CEP63: variants seen among roughly 807,000 people sequenced by gnomAD.
CEP63 encodes the protein centrosomal protein of 63 kDa.
CEP63 carries 84 observed loss-of-function variants against 89.1 expected under a neutral mutation model. That is an observed-to-expected ratio of 0.94 (90% CI 0.79 to 1.13). CEP63 has a LOEUF of 1.13. Ranked by LOEUF, CEP63 falls within the 50% of genes most tolerant of loss-of-function variation. The pLI is 0.00. For missense variants in CEP63, 838 were observed against 813.3 expected, an observed-to-expected ratio of 1.03 and a Z score of -0.37; for synonymous variants, 267 against 272.5, an observed-to-expected ratio of 0.98 and a Z score of 0.20.
the CEP63 span, among the ~76,000 whole-genome samples, chr3:134,664,164 T>C: frequency 2.0e-5 from 3 of 152,322 alleles, no homozygotes; most frequent in East Asian, 5.8e-4. Context: ...TGCTTCCCTG[T>C]GTCTTGGAGA....
chr3:134,625,785 G>T, the CEP63 span, among the ~76,000 whole-genome samples: 2 of 152,250 alleles, frequency 1.3e-5, no homozygotes, highest in Non-Finnish European at 2.9e-5. Context: ...CCTGAGAAAG[G>T]CTGGGCCTCC....
the CEP63 span, among the ~76,000 whole-genome samples, chr3:134,700,629 C>G: frequency 6.6e-6 from 1 of 152,206 alleles, no homozygotes; most frequent in South Asian, 2.1e-4. Context: ...TATCATCCTC[C>G]TCCATCACAC....
chr3:134,633,979 G>A, the CEP63 span, among the ~76,000 whole-genome samples: 1 of 152,146 alleles, frequency 6.6e-6, no homozygotes, highest in Non-Finnish European at 1.5e-5. Context: ...ATTGGAGATG[G>A]CATTTAAAAA....
At chr3:134,598,166 G>A in the CEP63 span, among the ~76,000 whole-genome samples, 95,865 of 152,092 alleles carry the variant, frequency 0.63, 30,722 homozygotes, top group East Asian at 0.87. Flanking sequence ...CTTTCAGCCC[G>A]TAAAATCAAA....
At chr3:134,722,529 GT>G in the CEP63 span, among the ~76,000 whole-genome samples, 1 of 151,594 alleles carries the variant, frequency 6.6e-6, no homozygotes, top group Non-Finnish European at 1.5e-5. Flanking sequence ...TTTTCATATT[GT>G]TTTTCTATCC....
At chr3:134,613,522 C>T in the CEP63 span, among the ~76,000 whole-genome samples, 1 of 152,184 alleles carries the variant, frequency 6.6e-6, no homozygotes, top group African/African-American at 2.4e-5. Flanking sequence ...TGGTGGTCAC[C>T]TCTAGAGTGA....
intron 2 of CEP63, among the ~76,000 whole-genome samples, chr3:134,505,200 T>C (rs1202716697): frequency 1.3e-5 from 2 of 152,218 alleles, no homozygotes; most frequent in African/African-American, 4.8e-5. Flanking sequence ...TCTTGTGTCC[T>C]TGTGTTGATT....
At chr3:134,641,979 G>A in the CEP63 span, among the ~76,000 whole-genome samples, 1 of 152,196 alleles carries the variant, frequency 6.6e-6, no homozygotes, top group Non-Finnish European at 1.5e-5. Context: ...TCATTTTAGA[G>A]AAGCAACAGG....
chr3:134,627,643 G>A, the CEP63 span: 1 of 871,630 alleles, frequency 1.1e-6, no homozygotes, highest in Non-Finnish European at 1.9e-6. Flanking sequence ...CCCAAAGGTG[G>A]CCCCAGCCTC....
At chr3:134,487,468 A>G (rs1303166323) in intron 1 of CEP63, among the ~76,000 whole-genome samples, 1 of 152,234 alleles carries the variant, frequency 6.6e-6, no homozygotes, top group Non-Finnish European at 1.5e-5. Context: ...TCTCGTTAAA[A>G]TGGTGGAAGA....
At chr3:134,649,765 G>C in the CEP63 span, among the ~76,000 whole-genome samples, 1 of 152,220 alleles carries the variant, frequency 6.6e-6, no homozygotes, top group African/African-American at 2.4e-5. Flanking sequence ...GCTGGTAGTG[G>C]CAAGGCCATC....
At chr3:134,630,181 G>A in the CEP63 span, among the ~76,000 whole-genome samples, 1 of 152,188 alleles carries the variant, frequency 6.6e-6, no homozygotes, top group Non-Finnish European at 1.5e-5. Context: ...AGTGAGAAAG[G>A]GAACCCCTAA....
chr3:134,496,988 T>C (rs914949250), intron 2 of CEP63, among the ~76,000 whole-genome samples: 4 of 152,242 alleles, frequency 2.6e-5, no homozygotes, highest in Admixed American at 6.5e-5. Context: ...AGATGAATCA[T>C]TGTGGTTTTC....
chr3:134,491,178 A>G (rs1202661556), intron 1 of CEP63, among the ~76,000 whole-genome samples: 1 of 152,206 alleles, frequency 6.6e-6, no homozygotes, highest in African/African-American at 2.4e-5. Context: ...TTCATTTTGC[A>G]TTCCTACCTA....
chr3:134,520,548 A>G (rs755933812), intron 3 of CEP63, among the ~76,000 whole-genome samples: 40 of 152,208 alleles, frequency 2.6e-4, no homozygotes, highest in Non-Finnish European at 5.1e-4. Flanking sequence ...AAAATCAACA[A>G]GGTTGATTCT....
chr3:134,742,608 G>C, the CEP63 span, among the ~76,000 whole-genome samples: 1 of 152,190 alleles, frequency 6.6e-6, no homozygotes, highest in African/African-American at 2.4e-5. Context: ...GAATGCTATG[G>C]TTTAGTACTT....
At chr3:134,614,288 T>C in the CEP63 span, among the ~76,000 whole-genome samples, 1 of 152,158 alleles carries the variant, frequency 6.6e-6, no homozygotes, top group Non-Finnish European at 1.5e-5. Flanking sequence ...CCCAAGGAGA[T>C]TTATTTAATG....
intron 2 of CEP63, among the ~76,000 whole-genome samples, chr3:134,505,418 TG>T (rs1943200034): frequency 6.6e-6 from 1 of 152,222 alleles, no homozygotes; most frequent in Admixed American, 6.5e-5. Flanking sequence ...TGACTTGGAC[TG>T]TGATTGTCAG....
chr3:134,531,921 TGAA>T lies in CEP63; in HGVS notation c.303_305del (p.Lys102del). ...ATGACCATGGAATATAAGCAGGAGTTGAAGAAACTACATGAAGAAGTGAGATTT... is the reference window on the plus strand; with the variant it reads ...ATGACCATGGAATATAAGCAGGAGTTGAAACTACATGAAGAAGTGAGATTT... On this transcript the variant is annotated inframe_deletion, in exon 4 of 15. Transcript: ENST00000675561. 8.7e-6 allele frequency: 14 copies of T among 1,611,758 alleles called. No homozygotes were observed. The highest frequency in any genetic ancestry group is 1.2e-5 in the Non-Finnish European group (14 of 1,178,068).
Sources: gnomAD v4.1 joint callset for allele counts (sites outside exome capture counted in the v4.1 genomes callset) on GRCh38, gnomAD v4.1.1 for gene constraint, MANE v1.5 for transcripts, NCBI Gene and HGNC (gene_info 2026-07-23, HGNC 2026-07-21) for gene names.